PRDM10: variants seen among roughly 807,000 people sequenced by gnomAD.
PRDM10 encodes PR domain zinc finger protein 10.
A neutral mutation model predicts 133.1 loss-of-function variants in PRDM10; 65 were observed. The observed-to-expected ratio is 0.49, with a 90% CI of 0.40 to 0.60. The LOEUF (loss-of-function observed/expected upper bound fraction) is 0.60. Ranked by LOEUF, PRDM10 falls within the 20% of genes least tolerant of loss-of-function variation. The pLI is 0.00. For synonymous variants in PRDM10, 582 were observed against 580.4 expected, an observed-to-expected ratio of 1.00 and a Z score of -0.04; for missense variants, 1,137 against 1,507.1, an observed-to-expected ratio of 0.75 and a Z score of 4.07.
intron 16 of PRDM10, 25 bp downstream of exon 16, chr11:129,915,635 A>T: frequency 6.5e-7 from 1 of 1,543,492 alleles, no homozygotes; most frequent in South Asian, 1.2e-5. Flanking sequence ...TTTTGACCTT[A>T]GCTTTAGTCA....
chr11:129,910,466 TCTTA>T lies in PRDM10; in HGVS notation c.3163+6_3163+9del. 2 of 1,613,856 alleles carry T rather than the reference TCTTA, an allele frequency of 1.2e-6. No individual in the cohort carries two copies. Among genetic ancestry groups the T allele is most frequent in the African/African-American group, 1.3e-5 (1 of 75,034 alleles). On this transcript the variant is annotated splice_donor_region_variant and intron_variant, in intron 19 of 20. Coordinates refer to ENST00000360871, the MANE Select transcript of PRDM10 (RefSeq NM_199437.2). ...CCCTGACCGACACGGCATCGTCCCT[TCTTA>T]CTTACAATAGCCACGGAAGGAATTC...
At chr11:129,984,059 C>T (rs1388919925) in intron 1 of PRDM10, among the ~76,000 whole-genome samples, 2 of 152,208 alleles carry the variant, frequency 1.3e-5, no homozygotes, top group African/African-American at 4.8e-5. Context: ...AAAAGGACTA[C>T]TCCTTTCCCT....
chr11:129,905,614 A>G, intron 20 of PRDM10, 24 bp downstream of exon 20: 1 of 1,590,978 alleles, frequency 6.3e-7, no homozygotes, highest in African/African-American at 1.3e-5. Flanking sequence ...GACAGGAAAA[A>G]CCCGACCGAG....
intron 1 of PRDM10, among the ~76,000 whole-genome samples, chr11:129,986,174 C>T (rs55739823): frequency 0.023 from 3,570 of 152,136 alleles, 119 homozygotes; most frequent in African/African-American, 0.076. Flanking sequence ...GGTTGGAAAT[C>T]ACACATAGTG....
chr11:129,975,665 A>C lies in PRDM10; in HGVS notation c.-118-14583T>G, dbSNP rs569374074. Among the ~76,000 whole-genome samples the C allele has an allele frequency of 2.6e-5, 4 of 151,998 alleles. No homozygotes were observed. The South Asian group carries it at 8.3e-4, about 32-fold the overall frequency. ...ACATTCAAGGCAAACCCTGCCTCCC[A>C]CTGGCCCTTCCTCTGCCCAGCCACA... On this transcript the variant is annotated intron_variant, in intron 1 of 20. Transcript: ENST00000360871.
At chr11:129,993,227 T>G (rs561426910) in intron 1 of PRDM10, among the ~76,000 whole-genome samples, 1 of 152,328 alleles carries the variant, frequency 6.6e-6, no homozygotes, top group South Asian at 2.1e-4. Flanking sequence ...CATTTGGATT[T>G]CTCCTTTTCT....
At chr11:129,909,531 T>C (rs565980096) in intron 19 of PRDM10, among the ~76,000 whole-genome samples, 14 of 151,270 alleles carry the variant, frequency 9.3e-5, no homozygotes, top group South Asian at 8.4e-4. Context: ...CTATGTAACA[T>C]AGCCAAGGAT....
At position 129,980,873 on chromosome 11, in the gene PRDM10, T is replaced by G. The variant is rs866691317; in HGVS notation, c.-118-19791A>C. Among the ~76,000 whole-genome samples, 223 of 142,748 alleles carry G rather than the reference T, an allele frequency of 1.6e-3. 2 individuals are homozygous for G. Among genetic ancestry groups the G allele is most frequent in the Middle Eastern group, 0.011 (3 of 284 alleles). The allele number at this position is 142,748 out of a possible 152,430, so 93.6% of individuals were successfully genotyped here. On this transcript the variant is annotated intron_variant, in intron 1 of 20. Transcript: ENST00000360871. ...TATGACATTTCTGGTTTTTTTTTTTTTTTTTTTTTTTTTTTGAGACAGAGT... is the reference window on the plus strand; with the variant it reads ...TATGACATTTCTGGTTTTTTTTTTTGTTTTTTTTTTTTTTTGAGACAGAGT...
chr11:129,990,704 C>T (rs1012785876), intron 1 of PRDM10, among the ~76,000 whole-genome samples: 5 of 152,224 alleles, frequency 3.3e-5, no homozygotes, highest in Middle Eastern at 3.4e-3. Context: ...CTCCCGGCCT[C>T]AAAGTGATCC....
intron 1 of PRDM10, among the ~76,000 whole-genome samples, chr11:129,986,357 C>T (rs960512990): frequency 3.3e-5 from 5 of 152,124 alleles, no homozygotes; most frequent in Non-Finnish European, 2.9e-5. Flanking sequence ...CTTGCTCCTC[C>T]CCACCTCTAA....
At chr11:129,932,923 G>A (rs1283547228) in intron 9 of PRDM10, among the ~76,000 whole-genome samples, 1 of 152,036 alleles carries the variant, frequency 6.6e-6, no homozygotes, top group Admixed American at 6.5e-5. Flanking sequence ...GTGGCACCAC[G>A]CCCAGCTAAT....
intron 11 of PRDM10, chr11:129,929,330 A>T: frequency 7.3e-7 from 1 of 1,373,114 alleles, no homozygotes; most frequent in Non-Finnish European, 9.8e-7. Context: ...ACCAGGATTT[A>T]GTAAGTACAG....
At chr11:129,944,642 G>C in intron 6 of PRDM10, 129 bp downstream of exon 6, 2 of 1,340,106 alleles carry the variant, frequency 1.5e-6, no homozygotes, top group Non-Finnish European at 1.0e-6. Flanking sequence ...ATTTAACCAA[G>C]TTAAGATAGA....
At chr11:129,966,726 C>G (rs149254225) in intron 1 of PRDM10, among the ~76,000 whole-genome samples, 42 of 152,120 alleles carry the variant, frequency 2.8e-4, no homozygotes, top group African/African-American at 8.2e-4. Context: ...CTGAGATTCA[C>G]GGGGAAAAAA....
intron 16 of PRDM10, 59 bp downstream of exon 16, chr11:129,915,601 C>CT: frequency 6.6e-7 from 1 of 1,506,368 alleles, no homozygotes. Context: ...GCCACCTTTC[C>CT]TTAAGAGATT....
At position 129,997,145 on chromosome 11, in the gene PRDM10, T is replaced by C. The variant is rs145797465; in HGVS notation, c.-119+5577A>G. On this transcript the variant is annotated intron_variant, in intron 1 of 20. Coordinates refer to ENST00000360871, the MANE Select transcript of PRDM10 (RefSeq NM_199437.2). ...AAACGTGGAAGTAAAAAAATATGGA[T>C]TTTACGTGTAGGTTATGTTTCTCCA... 1.6e-3 allele frequency among the ~76,000 whole-genome samples: 244 copies of C among 152,218 alleles called. 1 individual carries two copies. The highest frequency in any genetic ancestry group is 5.5e-3 in the African/African-American group (227 of 41,520).
At chr11:129,951,241 T>A (rs150586619) in intron 4 of PRDM10, among the ~76,000 whole-genome samples, 1 of 152,350 alleles carries the variant, frequency 6.6e-6, no homozygotes, top group African/African-American at 2.4e-5. Flanking sequence ...GGCCAGGTGA[T>A]GTTACAACGC....
intron 5 of PRDM10, among the ~76,000 whole-genome samples, chr11:129,946,082 C>CA (rs34028832): frequency 0.086 from 12,238 of 141,686 alleles, 883 homozygotes; most frequent in East Asian, 0.38. Context: ...ACTAAAAATA[C>CA]AAAAAAAAAA....
chr11:129,950,718 C>T (rs909960112), intron 4 of PRDM10, among the ~76,000 whole-genome samples: 6 of 152,200 alleles, frequency 3.9e-5, no homozygotes, highest in Admixed American at 6.5e-5. Flanking sequence ...TTATCACATA[C>T]TGAACAAACC....
Sources: allele counts gnomAD v4.1 joint callset (sites outside exome capture counted in the v4.1 genomes callset), GRCh38; gene constraint gnomAD v4.1.1; transcripts MANE v1.5; gene names NCBI Gene and HGNC (gene_info 2026-07-23, HGNC 2026-07-21).